Variants in LAMB1 observed in about 807,000 individuals in gnomAD.
LAMB1 encodes the protein laminin subunit beta 1, also known as laminin subunit beta-1.
Under a neutral mutation model 222.3 loss-of-function variants are expected in LAMB1, and 121 were observed. That is an observed-to-expected ratio of 0.54 (90% confidence interval 0.47 to 0.63). The LOEUF (loss-of-function observed/expected upper bound fraction) is 0.63, where lower values mean the gene tolerates loss of function less well. Among genes scored for constraint, LAMB1 ranks in the 30% least tolerant of loss-of-function variants. LAMB1 has a pLI of 0.00. For synonymous variants in LAMB1, 794 were observed against 807.2 expected (o/e 0.98, Z 0.28); for missense variants, 2,172 against 2,240.8 (o/e 0.97, Z 0.62).
In LAMB1 at chr7:107,953,676, C is replaced by A; in HGVS notation, c.2933G>T (p.Cys978Phe). Reference sequence around the variant, plus strand: ...GTCTGTCGTGTCAATGTTGTTGTGACACTGGCAAGGCTGACACGACCCCCC... The same window carrying A: ...GTCTGTCGTGTCAATGTTGTTGTGAAACTGGCAAGGCTGACACGACCCCCC... ...EVGGSCQPCQ[C>F]HNNIDTTDPE... The change falls in exon 22 of 34, where the codon TGT becomes TTT. Residue 978 changes from cysteine to phenylalanine, a missense_variant. By Grantham distance (205) the Cys-to-Phe change is radical (BLOSUM62 -2). Transcript: ENST00000222399. The A allele has an allele frequency of 6.2e-7, 1 of 1,614,162 alleles. No individual in the cohort carries two copies. Among genetic ancestry groups the A allele is most frequent in the Non-Finnish European group, 8.5e-7 (1 of 1,180,032 alleles).
At chr7:107,924,113 GTC>G in intron 33 of LAMB1, 26 bp from the exon 34 acceptor site, 1 of 1,519,086 alleles carries the variant, frequency 6.6e-7, no homozygotes. Flanking sequence ...TATATATAAA[GTC>G]TGAGCAATTT....
In LAMB1 at chr7:107,962,940, T is replaced by C. The variant is rs757175430; in HGVS notation, c.1822A>G (p.Met608Val). 4.3e-6 allele frequency: 7 copies of C among 1,614,018 alleles called. No homozygotes were observed. The highest frequency in any genetic ancestry group is 5.9e-6 in the Non-Finnish European group (7 of 1,179,970). ...TAGCGAATTAGGATGTCGTACTCCA[T>C]GGAATATGGTATGTTGTCAATGAAA... The part of the protein sequence containing the change: ...EFFIDNIPYS[M>V]EYDILIRYEP... The change falls in exon 15 of 34, where the codon ATG becomes GTG. Residue 608 changes from methionine to valine, a missense_variant. By Grantham distance (21) the Met-to-Val change is conservative (BLOSUM62 1). Transcript: ENST00000222399.
At chr7:107,994,133 T>C (rs2034237630) in intron 5 of LAMB1, among the ~76,000 whole-genome samples, 1 of 152,182 alleles carries the variant, frequency 6.6e-6, no homozygotes, top group African/African-American at 2.4e-5. Flanking sequence ...TGAGAAGCAA[T>C]AACTAAATTA....
chr7:107,952,396 T>G (rs2033277267), intron 22 of LAMB1, among the ~76,000 whole-genome samples, 173 bp from the exon 23 acceptor site: 1 of 152,238 alleles, frequency 6.6e-6, no homozygotes, highest in Admixed American at 6.5e-5. Flanking sequence ...TGTTTAGAAG[T>G]TCTCGTGATT....
intron 5 of LAMB1, among the ~76,000 whole-genome samples, chr7:107,989,597 G>A (rs981769567): frequency 3.3e-5 from 5 of 152,290 alleles, no homozygotes; most frequent in East Asian, 1.9e-4. Flanking sequence ...AAATGATACC[G>A]TATTCAACTC....
chr7:108,001,983 C>T, intron 2 of LAMB1: 5 of 1,445,538 alleles, frequency 3.5e-6, no homozygotes, highest in Non-Finnish European at 4.6e-6. Flanking sequence ...GAGAGCCTCC[C>T]TCCCGGGAAA....
At chr7:107,945,297 G>A (rs893949807) in intron 24 of LAMB1, among the ~76,000 whole-genome samples, 1 of 152,204 alleles carries the variant, frequency 6.6e-6, no homozygotes, top group Non-Finnish European at 1.5e-5. Flanking sequence ...GCAAGTCAAT[G>A]CCACAATGGG....
At chr7:107,981,172 C>T (rs977572766) in intron 7 of LAMB1, among the ~76,000 whole-genome samples, 2 of 152,050 alleles carry the variant, frequency 1.3e-5, no homozygotes, top group Admixed American at 6.6e-5. Context: ...TTAGACCGGG[C>T]GCGGTGGCTC....
intron 2 of LAMB1, 192 bp from the exon 3 acceptor site, chr7:108,001,925 A>G (rs982496205): frequency 1.4e-6 from 2 of 1,457,782 alleles, no homozygotes; most frequent in African/African-American, 1.4e-5. Flanking sequence ...CCGAAAGGAG[A>G]AGGACACGGA....
intron 5 of LAMB1, among the ~76,000 whole-genome samples, chr7:107,988,479 G>C (rs1388434305): frequency 6.6e-6 from 1 of 152,156 alleles, no homozygotes; most frequent in African/African-American, 2.4e-5. Context: ...AAGATAAAGA[G>C]AGCCTAAGTC....
At position 107,945,729 on chromosome 7, in the gene LAMB1, T is replaced by C. The variant is rs551630536; in HGVS notation, c.3392-5371A>G. 3.3e-5 allele frequency among the ~76,000 whole-genome samples: 5 copies of C among 152,392 alleles called. No homozygotes were observed. In the South Asian group the frequency reaches 1.0e-3, roughly 32 times the overall value. Reference sequence around the variant, plus strand: ...GTCAAGTGTGAAATGGAGATGATACTTACCCCCATAGGTTCTTTGTTGCAA... The same window carrying C: ...GTCAAGTGTGAAATGGAGATGATACCTACCCCCATAGGTTCTTTGTTGCAA... On this transcript the variant is annotated intron_variant, in intron 24 of 33. Transcript: ENST00000222399.
intron 31 of LAMB1, among the ~76,000 whole-genome samples, chr7:107,928,353 T>C (rs1449289394): frequency 1.3e-5 from 2 of 152,234 alleles, no homozygotes; most frequent in East Asian, 1.9e-4. Context: ...AAAACTACTA[T>C]ATAGTAAAAT....
chr7:107,955,110 A>AGC (rs2033347023), intron 21 of LAMB1, among the ~76,000 whole-genome samples: 1 of 152,152 alleles, frequency 6.6e-6, no homozygotes, highest in African/African-American at 2.4e-5. Flanking sequence ...TCTGACTACT[A>AGC]TTTGGTAACC....
intron 2 of LAMB1, chr7:108,002,060 G>C (rs2034398749): frequency 6.9e-7 from 1 of 1,458,788 alleles, no homozygotes; most frequent in Non-Finnish European, 9.0e-7. Flanking sequence ...GGGTGGATGT[G>C]TAGACCCTCC....
chr7:107,952,717 C>T (rs1045562397), intron 22 of LAMB1, among the ~76,000 whole-genome samples: 2 of 152,102 alleles, frequency 1.3e-5, no homozygotes, highest in African/African-American at 4.8e-5. Context: ...AGCCAGGAGC[C>T]TGGGGGCTGT....
At chr7:107,977,335 AC>A (rs2033887510) in intron 9 of LAMB1, among the ~76,000 whole-genome samples, 1 of 151,892 alleles carries the variant, frequency 6.6e-6, no homozygotes, top group African/African-American at 2.4e-5. Context: ...CTACATCTCC[AC>A]CCGGAGAAAA....
chr7:107,933,588 G>A (rs2032763026), intron 27 of LAMB1, among the ~76,000 whole-genome samples: 1 of 150,346 alleles, frequency 6.7e-6, no homozygotes, highest in Non-Finnish European at 1.5e-5. Context: ...TGTTTCAACA[G>A]ATGGGGCAGA....
chr7:107,936,636 T>C (rs1344691130), intron 26 of LAMB1, among the ~76,000 whole-genome samples: 1 of 152,208 alleles, frequency 6.6e-6, no homozygotes, highest in Non-Finnish European at 1.5e-5. Context: ...ATGTAACATA[T>C]TTCTACATTC....
chr7:107,977,816 A>G (rs142246459), intron 9 of LAMB1, among the ~76,000 whole-genome samples: 105 of 152,274 alleles, frequency 6.9e-4, no homozygotes, highest in African/African-American at 2.5e-3. Context: ...TTAGTTTTCT[A>G]CTGTAGCTGC....
Sources: gnomAD v4.1 joint callset for allele counts (sites outside exome capture counted in the v4.1 genomes callset) on GRCh38, gnomAD v4.1.1 for gene constraint, MANE v1.5 for transcripts, NCBI Gene and HGNC (gene_info 2026-07-23, HGNC 2026-07-21) for gene names.